The following ARHGAP15 variants were observed in gnomAD, a reference collection of about 807,000 sequenced individuals.
ARHGAP15 encodes the protein rho GTPase-activating protein 15.
In ARHGAP15, 51 loss-of-function variants were observed where a neutral mutation model predicts 63.7. That is an observed-to-expected ratio of 0.80 (90% confidence interval 0.64 to 1.01). The LOEUF is 1.01. Ranked by LOEUF, ARHGAP15 falls within the 50% of genes least tolerant of loss-of-function variation. The pLI is 0.00. For synonymous variants in ARHGAP15, 191 were observed against 193.8 expected (o/e 0.99, Z 0.12); for missense variants, 560 against 564.6 (o/e 0.99, Z 0.08).
chr2:143,355,365 C>T (rs947618443), intron 6 of ARHGAP15, among the ~76,000 whole-genome samples: 5 of 152,026 alleles, frequency 3.3e-5, no homozygotes, highest in East Asian at 3.9e-4. Flanking sequence ...TGTTTCTTGT[C>T]GGTGATGTGA....
At chr2:143,508,038 C>A (rs916843455) in intron 9 of ARHGAP15, among the ~76,000 whole-genome samples, 1 of 149,348 alleles carries the variant, frequency 6.7e-6, no homozygotes, top group East Asian at 1.9e-4. Flanking sequence ...TCACCCCCCC[C>A]TCCTCCATAA....
At chr2:143,669,871 T>C (rs1682428359) in intron 12 of ARHGAP15, among the ~76,000 whole-genome samples, 1 of 152,146 alleles carries the variant, frequency 6.6e-6, no homozygotes, top group East Asian at 1.9e-4. Flanking sequence ...ATATATCTGA[T>C]CTGAGAACAC....
At chr2:143,732,321 A>G (rs561787900) in intron 13 of ARHGAP15, among the ~76,000 whole-genome samples, 2 of 152,272 alleles carry the variant, frequency 1.3e-5, no homozygotes, top group African/African-American at 2.4e-5. Context: ...ACCTCATAGC[A>G]TGCATTTGGA....
chr2:143,513,227 C>A (rs1559020502), intron 9 of ARHGAP15, among the ~76,000 whole-genome samples: 1 of 152,164 alleles, frequency 6.6e-6, no homozygotes, highest in Non-Finnish European at 1.5e-5. Flanking sequence ...ACACCAATGG[C>A]AGTTTTTCCC....
intron 13 of ARHGAP15, among the ~76,000 whole-genome samples, chr2:143,719,411 AT>A (rs1298253080): frequency 6.6e-6 from 1 of 152,144 alleles, no homozygotes; most frequent in Non-Finnish European, 1.5e-5. Context: ...CTAAATCAGA[AT>A]TTTTTTCCAT....
At chr2:143,356,730 ATTTTAAAAAAATCCTT>A (rs1685825797) in intron 6 of ARHGAP15, among the ~76,000 whole-genome samples, 1 of 152,164 alleles carries the variant, frequency 6.6e-6, no homozygotes, top group African/African-American at 2.4e-5. Flanking sequence ...TACTGAGTTA[ATTTTAAAAAAATCCTT>A]CATGGATTTT....
At chr2:143,568,815 A>G (rs11892876) in intron 11 of ARHGAP15, among the ~76,000 whole-genome samples, 77,211 of 152,104 alleles carry the variant, frequency 0.51, 20,238 homozygotes, top group Non-Finnish European at 0.57. Flanking sequence ...CATATACACC[A>G]TGGAATACTA....
intron 3 of ARHGAP15, among the ~76,000 whole-genome samples, chr2:143,208,208 A>G (rs184421730): frequency 3.3e-5 from 5 of 152,296 alleles, no homozygotes; most frequent in Admixed American, 3.3e-4. Context: ...CAATTCCTTT[A>G]TATCTCATAT....
chr2:143,174,159 T>A (rs1449502599), intron 2 of ARHGAP15, among the ~76,000 whole-genome samples: 1 of 152,140 alleles, frequency 6.6e-6, no homozygotes, highest in African/African-American at 2.4e-5. Flanking sequence ...GTGGATTATA[T>A]ATTATATTAA....
At chr2:143,379,862 C>T (rs1042383243) in intron 6 of ARHGAP15, among the ~76,000 whole-genome samples, 2 of 151,818 alleles carry the variant, frequency 1.3e-5, no homozygotes, top group Non-Finnish European at 2.9e-5. Context: ...GACGTTCTTA[C>T]TCAACATCCA....
At chr2:143,310,010 A>C (rs1426234374) in intron 6 of ARHGAP15, among the ~76,000 whole-genome samples, 1 of 152,042 alleles carries the variant, frequency 6.6e-6, no homozygotes, top group Admixed American at 6.6e-5. Context: ...CTTTCAAGGC[A>C]TAATAGATAA....
At chr2:143,320,234 C>T (rs1480266811) in intron 6 of ARHGAP15, among the ~76,000 whole-genome samples, 5 of 152,206 alleles carry the variant, frequency 3.3e-5, no homozygotes, top group African/African-American at 9.6e-5. Context: ...TATTTTAAGT[C>T]CTACCAGACA....
At chr2:143,327,429 G>A (rs2105243457) in intron 6 of ARHGAP15, among the ~76,000 whole-genome samples, 1 of 152,234 alleles carries the variant, frequency 6.6e-6, no homozygotes, top group South Asian at 2.1e-4. Flanking sequence ...AAAAGAGCCT[G>A]TATAGCCAAG....
At chr2:143,217,345 A>AG (rs897938611) in intron 4 of ARHGAP15, among the ~76,000 whole-genome samples, 1 of 152,132 alleles carries the variant, frequency 6.6e-6, no homozygotes, top group African/African-American at 2.4e-5. Flanking sequence ...TAAAATTTGG[A>AG]GGGGGGTGGA....
intron 1 of ARHGAP15, among the ~76,000 whole-genome samples, chr2:143,130,311 T>A (rs1688871055): frequency 6.6e-6 from 1 of 152,148 alleles, no homozygotes; most frequent in African/African-American, 2.4e-5. Context: ...AATGTCTTTG[T>A]GTGCTGTAAC....
chr2:143,590,084 A>G (rs1396909309), intron 11 of ARHGAP15, among the ~76,000 whole-genome samples: 2 of 152,182 alleles, frequency 1.3e-5, no homozygotes, highest in Non-Finnish European at 2.9e-5. Context: ...ACTGCTTTCT[A>G]GTGCCCTTGA....
chr2:143,637,289 G>A (rs1680368170), intron 12 of ARHGAP15, among the ~76,000 whole-genome samples: 1 of 152,004 alleles, frequency 6.6e-6, no homozygotes, highest in Admixed American at 6.6e-5. Context: ...CTCTTACTAT[G>A]ATAAAATATT....
chr2:143,364,206 A>C (rs61426117), intron 6 of ARHGAP15, among the ~76,000 whole-genome samples: 117,863 of 142,566 alleles, frequency 0.83, 46,795 homozygotes, highest in Middle Eastern at 0.84. Context: ...ACAACAACAA[A>C]AAAAAAAAAA....
intron 6 of ARHGAP15, among the ~76,000 whole-genome samples, chr2:143,311,454 G>C (rs1683444411): frequency 6.6e-6 from 1 of 152,024 alleles, no homozygotes; most frequent in African/African-American, 2.4e-5. Context: ...TCTTGGATGT[G>C]ACATAAAACT....
Sources: gnomAD v4.1 joint callset for allele counts (sites outside exome capture counted in the v4.1 genomes callset) on GRCh38, gnomAD v4.1.1 for gene constraint, MANE v1.5 for transcripts, NCBI Gene and HGNC (gene_info 2026-07-23, HGNC 2026-07-21) for gene names.